Variants in PPARGC1A observed in about 807,000 individuals in gnomAD.
The protein encoded by PPARGC1A is PPARG coactivator 1 alpha, also known as peroxisome proliferator-activated receptor gamma coactivator 1-alpha.
A neutral mutation model predicts 88.7 loss-of-function variants in PPARGC1A; 25 were observed. The ratio of observed to expected loss-of-function variants is 0.28; its 90% CI spans 0.21 to 0.39. The LOEUF (loss-of-function observed/expected upper bound fraction) is 0.39. PPARGC1A is among the 10% of genes least tolerant of loss of function. The pLI, the probability that PPARGC1A is intolerant of heterozygous loss-of-function variation, is 1.00. For synonymous variants in PPARGC1A, 363 were observed against 355.6 expected (o/e 1.02, Z -0.24); for missense variants, 880 against 968.7 (o/e 0.91, Z 1.22).
At chr4:24,391,752 G>A in the PPARGC1A span, among the ~76,000 whole-genome samples, 1 of 152,074 alleles carries the variant, frequency 6.6e-6, no homozygotes, top group East Asian at 1.9e-4. Flanking sequence ...CAGCCCTCCA[G>A]AGCAGTAAAT....
chr4:23,946,993 C>T, the PPARGC1A span, among the ~76,000 whole-genome samples: 105 of 152,044 alleles, frequency 6.9e-4, no homozygotes, highest in South Asian at 4.4e-3. Flanking sequence ...CAGGTTGGTA[C>T]GAAATTTGAT....
the PPARGC1A span, among the ~76,000 whole-genome samples, chr4:24,452,171 G>A: frequency 2.0e-5 from 3 of 152,036 alleles, no homozygotes; most frequent in Admixed American, 1.3e-4. Flanking sequence ...AGCCTGCCAT[G>A]CAGATTTTGG....
the PPARGC1A span, among the ~76,000 whole-genome samples, chr4:23,960,841 A>G: frequency 3.0e-4 from 45 of 152,250 alleles, no homozygotes; most frequent in African/African-American, 1.1e-3. Context: ...AAGTCTTTCC[A>G]GTTTCTCTGG....
intron 2 of PPARGC1A, among the ~76,000 whole-genome samples, chr4:23,849,234 A>C (rs1371931598): frequency 6.6e-6 from 1 of 152,216 alleles, no homozygotes; most frequent in Non-Finnish European, 1.5e-5. Context: ...ACATCAGATA[A>C]AAATTTCCTA....
intron 12 of PPARGC1A, among the ~76,000 whole-genome samples, chr4:23,797,329 G>A (rs1165075899): frequency 6.6e-6 from 1 of 150,622 alleles, no homozygotes; most frequent in African/African-American, 2.4e-5. Context: ...AACAACTGCT[G>A]TTCAAATCAA....
intron 2 of PPARGC1A, among the ~76,000 whole-genome samples, chr4:23,852,554 T>C (rs1167816582): frequency 6.6e-6 from 1 of 152,118 alleles, no homozygotes; most frequent in Non-Finnish European, 1.5e-5. Context: ...CCTCTGATTG[T>C]CGTTTTAAAA....
At chr4:23,834,634 T>C (rs1030878869) in intron 2 of PPARGC1A, among the ~76,000 whole-genome samples, 7 of 152,216 alleles carry the variant, frequency 4.6e-5, no homozygotes, top group South Asian at 2.1e-4. Flanking sequence ...CTGAAGCTTA[T>C]TGAATACCCT....
the PPARGC1A span, among the ~76,000 whole-genome samples, chr4:23,919,924 A>G: frequency 2.0e-5 from 3 of 152,236 alleles, no homozygotes; most frequent in Non-Finnish European, 4.4e-5. Context: ...CGCTAAGAGG[A>G]TATAACAGAA....
the PPARGC1A span, among the ~76,000 whole-genome samples, chr4:24,436,854 G>A: frequency 1.1e-4 from 17 of 150,930 alleles, no homozygotes; most frequent in African/African-American, 4.2e-4. Flanking sequence ...CCACCCCAGA[G>A]CCCAGGTCAC....
At chr4:23,907,279 A>C (rs1016029554), upstream of PPARGC1A, among the ~76,000 whole-genome samples, 4 of 152,210 alleles carry the variant, frequency 2.6e-5, no homozygotes, top group Non-Finnish European at 5.9e-5. Context: ...AGTAGCAATG[A>C]AAGTTGCATG....
chr4:24,173,927 A>C, the PPARGC1A span, among the ~76,000 whole-genome samples: 58 of 152,346 alleles, frequency 3.8e-4, no homozygotes, highest in African/African-American at 1.3e-3. Context: ...GGACTTTGTC[A>C]CTTTAATTTC....
chr4:23,832,316 C>A (rs1725157205), intron 2 of PPARGC1A, among the ~76,000 whole-genome samples: 1 of 152,154 alleles, frequency 6.6e-6, no homozygotes. Flanking sequence ...TCCCTGACAT[C>A]TCTCCCAACT....
chr4:24,413,839 C>T, the PPARGC1A span, among the ~76,000 whole-genome samples: 1 of 152,170 alleles, frequency 6.6e-6, no homozygotes, highest in African/African-American at 2.4e-5. Flanking sequence ...AATGAGAGGC[C>T]AGTCACTGAA....
chr4:23,925,836 AAGAGAG>A, the PPARGC1A span, among the ~76,000 whole-genome samples: 1 of 151,606 alleles, frequency 6.6e-6, no homozygotes, highest in East Asian at 1.9e-4. Context: ...TAATACTAGA[AAGAGAG>A]AGAGAGAGAA....
At chr4:23,950,096 T>G in the PPARGC1A span, among the ~76,000 whole-genome samples, 1 of 152,082 alleles carries the variant, frequency 6.6e-6, no homozygotes, top group East Asian at 1.9e-4. Flanking sequence ...CTCAAAACAC[T>G]TCATCGGCAA....
chr4:24,098,644 A>G, the PPARGC1A span, among the ~76,000 whole-genome samples: 1 of 152,208 alleles, frequency 6.6e-6, no homozygotes, highest in East Asian at 1.9e-4. Flanking sequence ...CACTACAAAC[A>G]TTATATTTTG....
At chr4:24,135,059 C>T in the PPARGC1A span, among the ~76,000 whole-genome samples, 1 of 152,180 alleles carries the variant, frequency 6.6e-6, no homozygotes, top group African/African-American at 2.4e-5. Flanking sequence ...TGTGTCACTC[C>T]AGAGCAATCC....
At chr4:24,427,584 G>A in the PPARGC1A span, among the ~76,000 whole-genome samples, 54 of 152,270 alleles carry the variant, frequency 3.5e-4, no homozygotes, top group African/African-American at 1.3e-3. Flanking sequence ...AGAGCCAGTG[G>A]AGACCTGCCC....
chr4:24,369,011 G>A, the PPARGC1A span, among the ~76,000 whole-genome samples: 10 of 152,208 alleles, frequency 6.6e-5, no homozygotes, highest in South Asian at 2.1e-4. Context: ...AACCTCCCAC[G>A]AGCACCCCAT....
Sources: allele counts gnomAD v4.1 joint callset (sites outside exome capture counted in the v4.1 genomes callset), GRCh38; gene constraint gnomAD v4.1.1; transcripts MANE v1.5; gene names NCBI Gene and HGNC (gene_info 2026-07-23, HGNC 2026-07-21).